The following DOCK7 variants were observed in gnomAD, a reference collection of about 807,000 sequenced individuals.
The protein encoded by DOCK7 is dedicator of cytokinesis protein 7.
A neutral mutation model predicts 271.0 loss-of-function variants in DOCK7; 138 were observed. The observed-to-expected ratio is 0.51, with a 90% CI of 0.44 to 0.59. The LOEUF (loss-of-function observed/expected upper bound fraction) is 0.59. DOCK7 is among the 20% of genes least tolerant of loss of function. The pLI, the probability that DOCK7 is intolerant of heterozygous loss-of-function variation, is 0.00. For synonymous variants in DOCK7, 823 were observed against 876.1 expected (o/e 0.94, Z 1.07); for missense variants, 2,066 against 2,592.4 (o/e 0.80, Z 4.41).
At chr1:62,651,729 T>G (rs1225959107) in intron 4 of DOCK7, among the ~76,000 whole-genome samples, 1 of 152,184 alleles carries the variant, frequency 6.6e-6, no homozygotes, top group Non-Finnish European at 1.5e-5. Context: ...GTAAGTGTAT[T>G]CTTTACACTT....
In DOCK7 at chr1:62,559,110, C is replaced by G. The variant is rs1646237877; in HGVS notation, c.2310G>C (p.Leu770Phe). 1.2e-6 allele frequency: 2 copies of G among 1,613,776 alleles called. No individual in the cohort carries two copies. Among genetic ancestry groups the G allele is most frequent in the Non-Finnish European group, 1.7e-6 (2 of 1,179,908 alleles). Residue 770 changes from leucine to phenylalanine, a missense_variant, in exon 20 of 50, where the codon TTG becomes TTC. By Grantham distance (22) the Leu-to-Phe change is conservative. Coordinates refer to ENST00000635253, the MANE Select transcript of DOCK7 (RefSeq NM_001367561.1). ...RIMENNLENELKSSISALNSS... is the reference protein window; with the variant it reads ...RIMENNLENEFKSSISALNSS... Reference sequence around the variant, plus strand: ...AATTCAGTGCTGAAATACTGCTCTTCAATTCATTTTCTAAGTTATTTTCCA... The same window carrying G: ...AATTCAGTGCTGAAATACTGCTCTTGAATTCATTTTCTAAGTTATTTTCCA...
chr1:62,492,719 A>G lies in DOCK7; in HGVS notation c.5346T>C (p.Ala1782=). The G allele has an allele frequency of 1.2e-6, 2 of 1,614,140 alleles. No homozygotes were observed. Among genetic ancestry groups the G allele is most frequent in the Admixed American group, 3.3e-5 (2 of 60,020 alleles). The stretch of plus-strand genomic sequence containing the variant: ...AGTCATCTACCATAGAGAAGGAAGC[A>G]GCTGCTTGTTCCAGTAATCCCACAA... ...SGLVGLLEQA[A]ASFSMAGMYE... The change falls in exon 41 of 50, where the codon GCT becomes GCC. Residue 1782 remains alanine (A), a synonymous_variant. Transcript: ENST00000635253.
chr1:62,660,266 AGAT>A (rs1234294681), intron 2 of DOCK7, among the ~76,000 whole-genome samples: 4 of 152,244 alleles, frequency 2.6e-5, no homozygotes, highest in African/African-American at 9.6e-5. Context: ...GGCAACAGAA[AGAT>A]AATAGGAAAA....
At position 62,601,162 on chromosome 1, in the gene DOCK7, T is replaced by G. The variant is rs763969435; in HGVS notation, c.1683-14538A>C. Reference sequence around the variant, plus strand: ...GAGCACCAAGAACTACTCCCTTTCTTCAGTTGAATGAAATAAGAAATGTAA... The same window carrying G: ...GAGCACCAAGAACTACTCCCTTTCTGCAGTTGAATGAAATAAGAAATGTAA... On this transcript the variant is annotated intron_variant, in intron 14 of 49. Coordinates refer to ENST00000635253, the MANE Select transcript of DOCK7 (RefSeq NM_001367561.1). 7.1e-5 allele frequency: 115 copies of G among 1,610,076 alleles called. No homozygotes were observed. The highest frequency in any genetic ancestry group is 8.7e-5 in the Non-Finnish European group (102 of 1,177,020).
At chr1:62,470,888 G>A (rs755831087) in intron 48 of DOCK7, among the ~76,000 whole-genome samples, 5 of 152,010 alleles carry the variant, frequency 3.3e-5, no homozygotes, top group Non-Finnish European at 7.4e-5. Context: ...TGTCTGTAAA[G>A]TTATACTGAG....
At chr1:62,515,504 A>G (rs1273054053) in intron 31 of DOCK7, among the ~76,000 whole-genome samples, 1 of 152,192 alleles carries the variant, frequency 6.6e-6, no homozygotes, top group Non-Finnish European at 1.5e-5. Flanking sequence ...TAGAAATACA[A>G]TAAAAAATTA....
At chr1:62,477,985 C>T (rs1465604604) in intron 43 of DOCK7, 160 bp from the exon 44 acceptor site, 2 of 795,266 alleles carry the variant, frequency 2.5e-6, no homozygotes, top group Non-Finnish European at 3.6e-6. Flanking sequence ...ACAAAGTAAA[C>T]AGTCTTTCCT....
chr1:62,552,627 T>C, intron 22 of DOCK7, 105 bp downstream of exon 22: 3 of 1,125,690 alleles, frequency 2.7e-6, no homozygotes, highest in Non-Finnish European at 3.7e-6. Flanking sequence ...TCCTAATTCC[T>C]AACTTACATA....
intron 1 of DOCK7, among the ~76,000 whole-genome samples, chr1:62,665,136 A>G (rs1383183752): frequency 6.6e-6 from 1 of 151,958 alleles, no homozygotes; most frequent in Non-Finnish European, 1.5e-5. Flanking sequence ...ACAGGCATGC[A>G]CCACCACGCC....
At position 62,477,762 on chromosome 1, in the gene DOCK7, G is replaced by A; in HGVS notation, c.5572C>T (p.Gln1858Ter). Residue 1858 changes from glutamine (Q) to a stop codon, truncating the protein, a stop_gained, in exon 44 of 50, where the codon CAA (glutamine) becomes TAA (stop). Transcript: ENST00000635253. LOFTEE classifies it high-confidence loss of function. ...GCAGGCTCCTTGTAAACAAATTCTT[G>A]TTCATCCAAATCCCCGAACTTGGTT... Reference protein sequence around the residue: ...YGTKFGDLDEQEFVYKEPAIT... With the variant: ...YGTKFGDLDE 6.2e-7 allele frequency: 1 copy of A among 1,611,404 alleles called. No individual in the cohort carries two copies. Among genetic ancestry groups the A allele is most frequent in the Non-Finnish European group, 8.5e-7 (1 of 1,179,286 alleles).
chr1:62,568,306 T>C lies in DOCK7; in HGVS notation c.2113-6603A>G, dbSNP rs934062789. ...TGCCCACATTAAAAAGCTAGAAAGA[T>C]TTTTTTTTTTTTTTGAGACAGAGTC... On this transcript the variant is annotated intron_variant, in intron 18 of 49. Coordinates refer to ENST00000635253, the MANE Select transcript of DOCK7 (RefSeq NM_001367561.1). 2.1e-5 allele frequency among the ~76,000 whole-genome samples: 3 copies of C among 141,636 alleles called. No homozygotes were observed. In the East Asian group the frequency reaches 6.1e-4, roughly 29 times the overall value. 92.9% of individuals were successfully genotyped at this position (141,636 alleles called of 152,430 possible). A position where few individuals can be genotyped will look rare whatever the true frequency, so the allele number is the denominator to read the frequency against.
At chr1:62,654,344 G>C (rs1437093074) in intron 2 of DOCK7, among the ~76,000 whole-genome samples, 185 bp from the exon 3 acceptor site, 1 of 152,058 alleles carries the variant, frequency 6.6e-6, no homozygotes, top group African/African-American at 2.4e-5. Flanking sequence ...TGTACTCCTT[G>C]ATGTTTTGGG....
intron 14 of DOCK7, chr1:62,605,214 AAACTT>A (rs1194850791): frequency 5.3e-6 from 1 of 189,278 alleles, no homozygotes; most frequent in African/African-American, 2.4e-5. Flanking sequence ...TTAAAACTCT[AAACTT>A]GACTAAATAC....
chr1:62,498,903 G>C (rs1646700092), intron 37 of DOCK7, among the ~76,000 whole-genome samples: 1 of 151,956 alleles, frequency 6.6e-6, no homozygotes, highest in Admixed American at 6.6e-5. Flanking sequence ...CTGGGTTCAA[G>C]CAATTCTCCT....
At chr1:62,617,685 CT>C (rs1403067484) in intron 14 of DOCK7, among the ~76,000 whole-genome samples, 23 of 151,842 alleles carry the variant, frequency 1.5e-4, no homozygotes, top group African/African-American at 5.1e-4. Flanking sequence ...TTTAGATACA[CT>C]GGTTTCAATG....
Position 62,496,495 on chromosome 1 carries a change from G to A in DOCK7, c.4767C>T (p.Asn1589=), listed in dbSNP as rs756863967. 1.9e-6 allele frequency: 3 copies of A among 1,610,260 alleles called. No homozygotes were observed. Among genetic ancestry groups the A allele is most frequent in the South Asian group, 1.1e-5 (1 of 89,982 alleles). Residue 1589 remains asparagine, a splice_region_variant and synonymous_variant, in exon 38 of 50, where the codon AAC becomes AAT. Coordinates refer to ENST00000635253, the MANE Select transcript of DOCK7 (RefSeq NM_001367561.1). ...TTACCTGCATTTTAACCCTGGCAAA[G>A]TTCTGTAACAGAGAAATTGTCCAGT... is the stretch of plus-strand genomic sequence containing the variant. ...LMRQNFEIGN[N]FARVKMQVTM...
At chr1:62,599,441 C>CA (rs893853446) in intron 14 of DOCK7, among the ~76,000 whole-genome samples, 1 of 151,890 alleles carries the variant, frequency 6.6e-6, no homozygotes, top group Non-Finnish European at 1.5e-5. Context: ...GTCACTTAAC[C>CA]AAAAATCACA....
In DOCK7 at chr1:62,539,866, G is replaced by A; in HGVS notation, c.3072C>T (p.Tyr1024=). The change falls in exon 26 of 50, where the codon TAC becomes TAT. Residue 1024 remains tyrosine, a synonymous_variant. Transcript: ENST00000635253. ...TTGGAGCCTCAAGTTTATCATTAAAGTATAAATGGTGCACCATGCTCTTTA... is the reference window on the plus strand; with the variant it reads ...TTGGAGCCTCAAGTTTATCATTAAAATATAAATGGTGCACCATGCTCTTTA... ...LMVKSMVHHL[Y]FNDKLEAPRK... 1.2e-6 allele frequency: 2 copies of A among 1,611,788 alleles called. No individual in the cohort carries two copies. Among genetic ancestry groups the A allele is most frequent in the Non-Finnish European group, 1.7e-6 (2 of 1,178,818 alleles).
At chr1:62,548,892 A>G (rs1645800493) in intron 22 of DOCK7, among the ~76,000 whole-genome samples, 2 of 152,214 alleles carry the variant, frequency 1.3e-5, no homozygotes, top group African/African-American at 2.4e-5. Flanking sequence ...CCTTTCATAT[A>G]TATCCAAATC....
Sources: allele counts gnomAD v4.1 joint callset (sites outside exome capture counted in the v4.1 genomes callset), GRCh38; gene constraint gnomAD v4.1.1; transcripts MANE v1.5; gene names NCBI Gene and HGNC (gene_info 2026-07-23, HGNC 2026-07-21).